CLDN2: variants seen among roughly 807,000 people sequenced by gnomAD.
The protein encoded by CLDN2 is claudin 2.
CLDN2 carries 1 observed loss-of-function variant against 8.2 expected under a neutral mutation model. The ratio of observed to expected loss-of-function variants is 0.12; its 90% CI spans 0.04 to 0.58. The LOEUF (loss-of-function observed/expected upper bound fraction) is 0.58. Among genes scored for constraint, CLDN2 ranks in the 20% least tolerant of loss-of-function variants. The probability of loss-of-function intolerance (pLI) is 0.90; values close to 1 mark genes in which losing one functional copy is unlikely to be tolerated. For synonymous variants in CLDN2, 70 were observed against 70.2 expected, an observed-to-expected ratio of 1.00 and a Z score of 0.01; for missense variants, 108 against 172.9, an observed-to-expected ratio of 0.62 and a Z score of 2.11.
Position 106,900,674 on chromosome X carries a change from G to C in CLDN2, c.-179+170G>C. 2.6e-6 allele frequency: 3 copies of C among 1,135,053 alleles called. No individual in the cohort carries two copies. The South Asian group carries it at 6.5e-5, about 24-fold the overall frequency. The allele number at this position is 1,135,053 out of a possible 1,213,427, so 93.5% of individuals were successfully genotyped here. A position where few individuals can be genotyped will look rare whatever the true frequency, so the allele number is the denominator to read the frequency against. On this transcript the variant is annotated intron_variant, in intron 1 of 1. Coordinates refer to the CLDN2 transcript ENST00000541806. Reference sequence around the variant, plus strand: ...TTGGATAGGTTAGGGGTGAGGAAGGGGGATGAGCTGTGGCGCTGTAGGGTA... The same window carrying C: ...TTGGATAGGTTAGGGGTGAGGAAGGCGGATGAGCTGTGGCGCTGTAGGGTA...
chrX:106,908,567 CTT>C lies in CLDN2; in HGVS notation c.-179+8077_-179+8078del, dbSNP rs138799168. ...GTATTTTTTTTCTTTCTTTTCTTTTCTTTTTTTTTTTTTTTGTTGTTGTTTTT... is the reference window on the plus strand; with the variant it reads ...GTATTTTTTTTCTTTCTTTTCTTTTCTTTTTTTTTTTTTGTTGTTGTTTTT... On this transcript the variant is annotated intron_variant, in intron 1 of 1. Coordinates refer to the CLDN2 transcript ENST00000541806. Among the ~76,000 whole-genome samples the C allele has an allele frequency of 2.7e-3, 244 of 91,495 alleles. 2 individuals are homozygous for C. Among genetic ancestry groups the C allele is most frequent in the East Asian group, 0.026 (78 of 2,954 alleles). The allele number at this position is 91,495 out of a possible 115,157, so 79.5% of individuals were successfully genotyped here.
At chrX:106,903,781 C>T (rs1286862936) in intron 1 of CLDN2, among the ~76,000 whole-genome samples, 5 of 112,162 alleles carry the variant, frequency 4.5e-5, no homozygotes. Flanking sequence ...TCAGCTCAAC[C>T]TCAGATAGAT....
intron 1 of CLDN2, among the ~76,000 whole-genome samples, chrX:106,908,780 T>A (rs1268834893): frequency 3.6e-5 from 4 of 110,394 alleles, no homozygotes; most frequent in Non-Finnish European, 7.6e-5. Context: ...TATAACAATG[T>A]TTATATACAA....
upstream of CLDN2, chrX:106,918,210 C>G (rs1336776921): frequency 8.9e-6 from 1 of 112,435 alleles, no homozygotes; most frequent in Non-Finnish European, 1.9e-5. Flanking sequence ...ATTCACCCAG[C>G]CTTGGGAATT....
intron 1 of CLDN2, among the ~76,000 whole-genome samples, chrX:106,911,596 C>G (rs972057670): frequency 3.6e-5 from 4 of 112,124 alleles, no homozygotes; most frequent in Non-Finnish European, 7.5e-5. Flanking sequence ...CTCCAAGCCA[C>G]GCTAACATCT....
At chrX:106,910,895 G>C (rs756365061) in intron 1 of CLDN2, among the ~76,000 whole-genome samples, 9 of 112,032 alleles carry the variant, frequency 8.0e-5, no homozygotes, top group African/African-American at 2.6e-4. Flanking sequence ...GCTATAGCTA[G>C]ACTTGGGTGT....
chrX:106,928,955 T>C lies in CLDN2; in HGVS notation c.*34T>C. 3.5e-6 allele frequency: 4 copies of C among 1,150,730 alleles called. No homozygotes were observed. The highest frequency in any genetic ancestry group is 4.7e-6 in the Non-Finnish European group (4 of 846,536). 94.8% of individuals were successfully genotyped at this position (1,150,730 alleles called of 1,213,427 possible). A position where few individuals can be genotyped will look rare whatever the true frequency, so the allele number is the denominator to read the frequency against. On this transcript the variant is annotated 3_prime_UTR_variant, in exon 2 of 2. Transcript: ENST00000336803. ...GGGCCAGAGCTGGGGGGTGGCTGGGTCTGTGAAAAACAGTGGACAGCACCC... is the reference window on the plus strand; with the variant it reads ...GGGCCAGAGCTGGGGGGTGGCTGGGCCTGTGAAAAACAGTGGACAGCACCC...
upstream of CLDN2, among the ~76,000 whole-genome samples, chrX:106,916,889 A>G (rs901106775): frequency 9.0e-6 from 1 of 111,724 alleles, no homozygotes; most frequent in Admixed American, 9.5e-5. Flanking sequence ...CTCTACAAAA[A>G]AATTATAAAA....
chrX:106,902,011 C>T, intron 1 of CLDN2: 1 of 521,838 alleles, frequency 1.9e-6, no homozygotes, highest in Non-Finnish European at 3.2e-6. Flanking sequence ...CAAATGTTGG[C>T]AAAACTGTGA....
At chrX:106,927,442 T>C (rs1352975831) in intron 1 of CLDN2, among the ~76,000 whole-genome samples, 1 of 111,044 alleles carries the variant, frequency 9.0e-6, no homozygotes, top group Non-Finnish European at 1.9e-5. Context: ...TGTCTGGGCA[T>C]GTTATACATG....
intron 1 of CLDN2, chrX:106,901,482 G>A: frequency 2.5e-6 from 3 of 1,211,071 alleles, no homozygotes; most frequent in Non-Finnish European, 2.2e-6. Context: ...ACCTGACAGG[G>A]TGATGGAACT....
rs190412383 is a variant in CLDN2 at position 106,922,755 on chromosome X, G to A, written c.-179+2204G>A. Among the ~76,000 whole-genome samples the A allele has an allele frequency of 1.3e-4, 14 of 111,666 alleles. No homozygotes were observed. The East Asian group carries it at 4.0e-3, about 32-fold the overall frequency. ...GTGGATGGTAGAATAGCATGCTTAC[G>A]GGCTTGGAGACAGAGAGAAAGGCAG... On this transcript the variant is annotated intron_variant, in intron 1 of 1. Coordinates refer to ENST00000336803, the MANE Select transcript of CLDN2 (RefSeq NM_020384.4).
At chrX:106,913,320 C>T (rs970671243) in intron 1 of CLDN2, among the ~76,000 whole-genome samples, 2 of 111,924 alleles carry the variant, frequency 1.8e-5, no homozygotes, top group African/African-American at 6.5e-5. Flanking sequence ...GTTTTGAACT[C>T]CTTACCTCAA....
chrX:106,928,638 C>G lies in CLDN2; in HGVS notation c.410C>G (p.Ala137Gly). ...GGCCTCCTGGGATTCATTCCTGTTG[C>G]CTGGAATCTTCATGGGATCCTACGG... ...LGGLLGFIPV[A>G]WNLHGILRDF... is the part of the protein sequence containing the mutation. Residue 137 changes from alanine to glycine, a missense_variant, in exon 2 of 2, where the codon GCC becomes GGC. Physicochemically the swap from Ala to Gly is moderately conservative, Grantham distance 60. Around this residue, in one of 2 missense-constraint regions of CLDN2, gnomAD observed 81 missense variants for 100.8 expected, o/e 0.80. Coordinates refer to ENST00000336803, the MANE Select transcript of CLDN2 (RefSeq NM_020384.4). 8.3e-7 allele frequency: 1 copy of G among 1,211,708 alleles called. No homozygotes were observed.
intron 1 of CLDN2, among the ~76,000 whole-genome samples, chrX:106,903,695 G>C (rs1217026343): frequency 8.9e-6 from 1 of 112,037 alleles, no homozygotes; most frequent in East Asian, 2.8e-4. Context: ...GAATAGACAG[G>C]CCTTTAACTA....
At chrX:106,916,632 T>TA (rs1933314782), upstream of CLDN2, among the ~76,000 whole-genome samples, 2 of 111,629 alleles carry the variant, frequency 1.8e-5, no homozygotes, top group Non-Finnish European at 3.8e-5. Context: ...ACAGGTCTGA[T>TA]ACAATGAGGG....
chrX:106,917,068 C>T (rs991054199), upstream of CLDN2, among the ~76,000 whole-genome samples: 1 of 111,972 alleles, frequency 8.9e-6, no homozygotes, highest in Admixed American at 9.4e-5. Context: ...TTTGAGACAA[C>T]TTTCAGCTAT....
chrX:106,918,440 G>A (rs933980437), upstream of CLDN2: 6 of 112,459 alleles, frequency 5.3e-5, no homozygotes, highest in African/African-American at 1.9e-4. Flanking sequence ...AGCACTGCCA[G>A]GGGATCAGTG....
intron 1 of CLDN2, among the ~76,000 whole-genome samples, chrX:106,908,470 C>T (rs770776500): frequency 3.6e-5 from 4 of 111,403 alleles, no homozygotes; most frequent in East Asian, 2.8e-4. Flanking sequence ...CCTGCAAACA[C>T]GCCATTCACC....
Sources: allele counts gnomAD v4.1 joint callset (sites outside exome capture counted in the v4.1 genomes callset), GRCh38; gene constraint gnomAD v4.1.1; regional missense constraint gnomAD v4.1.1; transcripts MANE v1.5; gene names NCBI Gene and HGNC (gene_info 2026-07-23, HGNC 2026-07-21).